USP42: variants seen among roughly 807,000 people sequenced by gnomAD.
USP42 encodes the protein ubiquitin carboxyl-terminal hydrolase 42.
A neutral mutation model predicts 113.0 loss-of-function variants in USP42; 23 were observed. The ratio of observed to expected loss-of-function variants is 0.20; its 90% CI spans 0.15 to 0.29. USP42 has a LOEUF of 0.29. USP42 is among the 10% of genes least tolerant of loss of function. USP42 has a pLI of 1.00. For synonymous variants in USP42, 933 were observed against 699.0 expected (o/e 1.33, Z -5.28); for missense variants, 2,174 against 1,779.8 (o/e 1.22, Z -3.99).
chr7:6,145,488 T>C, intron 9 of USP42, 28 bp from the exon 10 acceptor site: 1 of 1,613,702 alleles, frequency 6.2e-7, no homozygotes, highest in South Asian at 1.1e-5. Context: ...CCCTCGGAAA[T>C]GTTTCTCCTG....
intron 3 of USP42, chr7:6,116,633 T>A (rs1428165632): frequency 5.2e-6 from 2 of 381,930 alleles, no homozygotes; most frequent in Non-Finnish European, 1.0e-5. Context: ...ACTGATTTTT[T>A]TTTCCCTCCA....
At chr7:6,089,453 A>C in the USP42 span, among the ~76,000 whole-genome samples, 5 of 150,546 alleles carry the variant, frequency 3.3e-5, 1 homozygote, top group African/African-American at 1.2e-4. Flanking sequence ...AAATTTTAAA[A>C]ACGTAATACA....
chr7:6,100,791 T>C (rs1197446291), upstream of USP42, among the ~76,000 whole-genome samples: 1 of 149,460 alleles, frequency 6.7e-6, no homozygotes, highest in East Asian at 2.0e-4. Context: ...CTCAGCCTCC[T>C]GAGTAGCTGG....
intron 4 of USP42, among the ~76,000 whole-genome samples, chr7:6,138,843 CT>C (rs1781297485): frequency 6.6e-6 from 1 of 152,014 alleles, no homozygotes. Context: ...CCAACCCCCT[CT>C]TCTGGTCTGT....
chr7:6,119,290 T>C (rs113947953), intron 3 of USP42, among the ~76,000 whole-genome samples: 129 of 152,188 alleles, frequency 8.5e-4, no homozygotes, highest in African/African-American at 2.9e-3. Flanking sequence ...CTGGGCAACA[T>C]TGTGAGACCT....
chr7:6,150,545 A>G (rs749697938), intron 14 of USP42, 39 bp downstream of exon 14: 1 of 1,579,434 alleles, frequency 6.3e-7, no homozygotes, highest in Non-Finnish European at 8.7e-7. Flanking sequence ...GTGGCAGCAT[A>G]GTAGGAAATC....
At chr7:6,092,100 CTCTTCTTCTTCTTCTTCCTCTTCCT>C in the USP42 span, among the ~76,000 whole-genome samples, 1 of 107,090 alleles carries the variant, frequency 9.3e-6, no homozygotes, top group Admixed American at 1.0e-4. Context: ...CTTCTTCCTC[CTCTTCTTCTTCTTCTTCCTCTTCCT>C]TCTTCTTCTT....
intron 3 of USP42, among the ~76,000 whole-genome samples, chr7:6,121,980 C>A (rs528384700): frequency 1.3e-5 from 2 of 152,286 alleles, no homozygotes; most frequent in Admixed American, 1.3e-4. Context: ...TTTGATCAAT[C>A]TGACCAGAAG....
In USP42 at chr7:6,156,935, G is replaced by C; in HGVS notation, c.3823G>C (p.Gly1275Arg). ...ETVAQFRRAQGGFPLSGGPPL... is the reference protein window; with the variant it reads ...ETVAQFRRAQRGFPLSGGPPL... ...TGTCGCCCAGTTCCGGAGAGCCCAG[G>C]GTGGCTTTCCTCTCTCTGGTGGCCC... Residue 1275 changes from glycine to arginine, a missense_variant, in exon 16 of 18, where the codon GGT becomes CGT. By Grantham distance (125) the Gly-to-Arg change is moderately radical (BLOSUM62 -2). Coordinates refer to ENST00000306177, the MANE Select transcript of USP42 (RefSeq NM_032172.3). 1.2e-6 allele frequency: 2 copies of C among 1,613,938 alleles called. No homozygotes were observed. The highest frequency in any genetic ancestry group is 1.7e-6 in the Non-Finnish European group (2 of 1,179,846).
rs998094821 is a variant in USP42 at position 6,160,541 on chromosome 7, C to T, written c.*37-14C>T. 1.3e-5 allele frequency: 2 copies of T among 152,686 alleles called. No individual in the cohort carries two copies. The highest frequency in any genetic ancestry group is 4.8e-5 in the African/African-American group (2 of 41,464). 9.5% of individuals were successfully genotyped at this position (152,686 alleles called of 1,614,324 possible). Reference sequence around the variant, plus strand: ...TGCCTCCAACTCACTAACCCTGCGCCTCTTGTCTTTCAGATTCAACGCGTT... The same window carrying T: ...TGCCTCCAACTCACTAACCCTGCGCTTCTTGTCTTTCAGATTCAACGCGTT... On this transcript the variant is annotated splice_polypyrimidine_tract_variant and intron_variant, in intron 17 of 17. Coordinates refer to ENST00000306177, the MANE Select transcript of USP42 (RefSeq NM_032172.3).
Position 6,155,188 on chromosome 7 carries a change from G to C in USP42, c.3634G>C (p.Asp1212His). The C allele has an allele frequency of 1.3e-6, 2 of 1,529,540 alleles. No individual in the cohort carries two copies. Among genetic ancestry groups the C allele is most frequent in the Non-Finnish European group, 1.7e-6 (2 of 1,143,864 alleles). 94.7% of individuals were successfully genotyped at this position (1,529,540 alleles called of 1,614,324 possible). ...KKSKDKHRDR[D>H]SRHQQDSDLS... ...ATCCAAAGACAAACACCGAGACCGC[G>C]ACTCCAGGTGAGCCTGGGGCCTTGT... The change falls in exon 15 of 18, where the codon GAC (aspartate) becomes CAC (histidine). Residue 1212 changes from aspartate (D) to histidine (H), a missense_variant. By Grantham distance (81) the Asp-to-His change is moderately conservative (BLOSUM62 -1). Transcript: ENST00000306177.
the USP42 span, among the ~76,000 whole-genome samples, chr7:6,088,492 A>C: frequency 1.3e-5 from 2 of 151,152 alleles, no homozygotes; most frequent in Admixed American, 1.3e-4. Flanking sequence ...TCCTGAGTTC[A>C]GGTGATCACC....
intron 3 of USP42, among the ~76,000 whole-genome samples, chr7:6,128,742 C>T (rs1780677782): frequency 6.6e-6 from 1 of 151,852 alleles, no homozygotes; most frequent in Non-Finnish European, 1.5e-5. Flanking sequence ...TCTGTGTTTT[C>T]TTGCTTCTCT....
chr7:6,114,641 T>C (rs1425680494), intron 2 of USP42, among the ~76,000 whole-genome samples: 2 of 131,792 alleles, frequency 1.5e-5, no homozygotes, highest in African/African-American at 3.1e-5. Context: ...TGTGTGTATA[T>C]ATGTATGTGT....
chr7:6,110,236 C>T (rs1347075955), intron 1 of USP42, among the ~76,000 whole-genome samples: 2 of 152,148 alleles, frequency 1.3e-5, no homozygotes, highest in Admixed American at 6.6e-5. Flanking sequence ...GGTGGCATAA[C>T]CAGAAGGAAG....
At chr7:6,106,915 C>T (rs1779313622) in intron 1 of USP42, among the ~76,000 whole-genome samples, 1 of 152,146 alleles carries the variant, frequency 6.6e-6, no homozygotes, top group Admixed American at 6.6e-5. Flanking sequence ...TCATCAGAAG[C>T]TGTTGCTTAC....
intron 3 of USP42, among the ~76,000 whole-genome samples, chr7:6,118,687 A>G (rs1429638277): frequency 6.6e-6 from 1 of 151,928 alleles, no homozygotes; most frequent in Non-Finnish European, 1.5e-5. Context: ...GAGCAAGTTT[A>G]TTTTTTTGCA....
chr7:6,117,655 C>T (rs1583592495), intron 3 of USP42, among the ~76,000 whole-genome samples: 1 of 152,270 alleles, frequency 6.6e-6, no homozygotes, highest in East Asian at 1.9e-4. Flanking sequence ...TTTATAGTCC[C>T]ACCACTGGTG....
chr7:6,137,617 C>T (rs576916485), intron 4 of USP42, among the ~76,000 whole-genome samples: 1 of 152,128 alleles, frequency 6.6e-6, no homozygotes, highest in Non-Finnish European at 1.5e-5. Context: ...CTTGGCCTCC[C>T]AAAGTGCAGA....
Sources: allele counts gnomAD v4.1 joint callset (sites outside exome capture counted in the v4.1 genomes callset), GRCh38; gene constraint gnomAD v4.1.1; transcripts MANE v1.5; gene names NCBI Gene and HGNC (gene_info 2026-07-23, HGNC 2026-07-21).